Variants in ITGA4 observed in about 807,000 individuals in gnomAD.
ITGA4 encodes integrin subunit alpha 4.
Under a neutral mutation model 133.6 loss-of-function variants are expected in ITGA4, and 63 were observed. The ratio of observed to expected loss-of-function variants is 0.47; its 90% CI spans 0.38 to 0.58. ITGA4 has a LOEUF of 0.58. Among genes scored for constraint, ITGA4 ranks in the 20% least tolerant of loss-of-function variants. The probability of loss-of-function intolerance (pLI) is 0.00; values close to 1 mark genes in which losing one functional copy is unlikely to be tolerated. For synonymous variants in ITGA4, 483 were observed against 438.0 expected (o/e 1.10, Z -1.28); for missense variants, 1,076 against 1,252.7 (o/e 0.86, Z 2.13).
At chr2:181,504,780 T>TA (rs1254020999) in intron 15 of ITGA4, among the ~76,000 whole-genome samples, 1 of 152,038 alleles carries the variant, frequency 6.6e-6, no homozygotes, top group Non-Finnish European at 1.5e-5. Context: ...TGGTGCTATT[T>TA]AAAAAATTCT....
In ITGA4 at chr2:181,537,994, C is replaced by G. The variant is rs548100966; in HGVS notation, c.*2467C>G. ...TGTGAGGGATCTAGAGTGCCATGTT[C>G]CTCAAGAGAATCTAATGCCTGATGA... is the stretch of plus-strand genomic sequence containing the variant. On this transcript the variant is annotated 3_prime_UTR_variant, in exon 28 of 28. Coordinates refer to ENST00000397033, the MANE Select transcript of ITGA4 (RefSeq NM_000885.6). 1.1e-4 allele frequency: 73 copies of G among 677,358 alleles called. No individual in the cohort carries two copies. The African/African-American group carries it at 1.1e-3, about 10-fold the overall frequency. 42.0% of individuals were successfully genotyped at this position (677,358 alleles called of 1,614,324 possible). A position where few individuals can be genotyped will look rare whatever the true frequency, so the allele number is the denominator to read the frequency against.
At chr2:181,504,828 T>C (rs965909104) in intron 15 of ITGA4, among the ~76,000 whole-genome samples, 3 of 151,940 alleles carry the variant, frequency 2.0e-5, no homozygotes, top group Admixed American at 6.6e-5. Context: ...GGTATAATGG[T>C]TAGGGCATTT....
intron 17 of ITGA4, among the ~76,000 whole-genome samples, chr2:181,514,123 G>A (rs768761312): frequency 6.6e-6 from 1 of 152,100 alleles, no homozygotes; most frequent in Non-Finnish European, 1.5e-5. Context: ...ATGAAAATAT[G>A]TTTGACATTA....
intron 2 of ITGA4, 34 bp from the exon 3 acceptor site, chr2:181,474,926 A>C (rs2305592): frequency 6.5e-7 from 1 of 1,531,870 alleles, no homozygotes; most frequent in East Asian, 2.3e-5. Context: ...AATGTTTTCA[A>C]TACAACTGAT....
chr2:181,530,080 C>G (rs1686913695), intron 23 of ITGA4, among the ~76,000 whole-genome samples: 1 of 152,092 alleles, frequency 6.6e-6, no homozygotes, highest in Admixed American at 6.5e-5. Flanking sequence ...ACTGATGGTT[C>G]CATCAGAATT....
In ITGA4 at chr2:181,538,235, TGGA is replaced by T; in HGVS notation, c.*2709_*2711del. The T allele has an allele frequency of 2.5e-6, 4 of 1,582,350 alleles. No homozygotes were observed. The highest frequency in any genetic ancestry group is 1.1e-5 in the South Asian group (1 of 90,356). ...TTCCTCCATAAAGACTGATAAGTCT[TGGA>T]TGCAATCTGTAAAGAAAATACATTA... On this transcript the variant is annotated 3_prime_UTR_variant, in exon 28 of 28. Coordinates refer to ENST00000397033, the MANE Select transcript of ITGA4 (RefSeq NM_000885.6).
intron 17 of ITGA4, 111 bp downstream of exon 17, chr2:181,511,886 G>A (rs1485171893): frequency 1.7e-6 from 1 of 600,524 alleles, no homozygotes; most frequent in African/African-American, 1.9e-5. Context: ...AAAATTAACA[G>A]CGTTTAAAGA....
In ITGA4 at chr2:181,527,943, G is replaced by A. The variant is rs577933788; in HGVS notation, c.2430+556G>A. Among the ~76,000 whole-genome samples, 3 of 152,132 alleles carry A rather than the reference G, an allele frequency of 2.0e-5. No homozygotes were observed. In the South Asian group the frequency reaches 6.2e-4, roughly 32 times the overall value. On this transcript the variant is annotated intron_variant, in intron 22 of 27. Coordinates refer to ENST00000397033, the MANE Select transcript of ITGA4 (RefSeq NM_000885.6). ...AATTCAGAAGTATTAGGAGACTGATGTAAACCTAAGTTTTTAAAAACATTT... is the reference window on the plus strand; with the variant it reads ...AATTCAGAAGTATTAGGAGACTGATATAAACCTAAGTTTTTAAAAACATTT...
chr2:181,486,159 G>A (rs924451346), intron 10 of ITGA4, 167 bp downstream of exon 10: 1 of 752,672 alleles, frequency 1.3e-6, no homozygotes, highest in African/African-American at 1.8e-5. Flanking sequence ...CTCCTCAATT[G>A]TCACCCATTG....
intron 6 of ITGA4, among the ~76,000 whole-genome samples, chr2:181,481,241 A>T (rs1192463058): frequency 6.6e-6 from 1 of 152,194 alleles, no homozygotes; most frequent in Non-Finnish European, 1.5e-5. Flanking sequence ...CTTCAGCAAG[A>T]TGTTTATTTA....
intron 2 of ITGA4, chr2:181,459,452 T>C (rs1183089577): frequency 1.9e-5 from 2 of 103,640 alleles, no homozygotes; most frequent in Non-Finnish European, 4.2e-5. Flanking sequence ...TTGTATTTTA[T>C]AGTAGTCTTT....
chr2:181,495,768 T>C lies in ITGA4; in HGVS notation c.1386-15T>C. The C allele has an allele frequency of 6.2e-7, 1 of 1,602,730 alleles. No individual in the cohort carries two copies. The highest frequency in any genetic ancestry group is 1.1e-5 in the South Asian group (1 of 88,556). Reference sequence around the variant, plus strand: ...AATTCTGCAATTAACATTGCTACTTTTATTTCCTTCTCAGGACAAGACCTG... The same window carrying C: ...AATTCTGCAATTAACATTGCTACTTCTATTTCCTTCTCAGGACAAGACCTG... On this transcript the variant is annotated splice_polypyrimidine_tract_variant and intron_variant, in intron 13 of 27. Coordinates refer to ENST00000397033, the MANE Select transcript of ITGA4 (RefSeq NM_000885.6). This position sits in a 1 kb window ranked among gnomAD's most constrained non-coding sequence, Gnocchi z 4.3.
chr2:181,531,712 T>C lies in ITGA4; in HGVS notation c.2720T>C (p.Met907Thr). The C allele has an allele frequency of 6.2e-7, 1 of 1,607,492 alleles. No homozygotes were observed. Among genetic ancestry groups the C allele is most frequent in the Non-Finnish European group, 8.5e-7 (1 of 1,175,620 alleles). The change falls in exon 25 of 28, where the codon ATG becomes ACG. Residue 907 changes from methionine to threonine, a missense_variant. This residue lies in a region of ITGA4 where 193 missense variants were observed against 172.3 expected (regional missense o/e 1.12). Transcript: ENST00000397033. ...CLNFLCNFGK[M>T]ESGKEASVHI... The stretch of plus-strand genomic sequence containing the variant: ...AATTTCTTGTGTAATTTTGGGAAAA[T>C]GGAAAGTGGAAAAGAAGCCAGTGTT...
rs532819706 is a variant in ITGA4, at chr2:181,499,345, C to A, written c.1695+568C>A. ...TGGTTTGGGGTATGTCCTGCCAAAG[C>A]ACAGCCGATTTCATGTTTCTTTTAT... On this transcript the variant is annotated intron_variant, in intron 15 of 27. Transcript: ENST00000397033. Among the ~76,000 whole-genome samples the A allele has an allele frequency of 1.3e-4, 20 of 152,266 alleles. 1 individual carries two copies. In the East Asian group the frequency reaches 3.9e-3, roughly 29 times the overall value.
intron 21 of ITGA4, 38 bp from the exon 22 acceptor site, chr2:181,527,259 A>G (rs1488825565): frequency 8.4e-7 from 1 of 1,188,824 alleles, no homozygotes; most frequent in Non-Finnish European, 1.3e-6. Flanking sequence ...ACGTCATCGA[A>G]TAAGACAGTT....
At chr2:181,472,431 G>A (rs577664178) in intron 2 of ITGA4, among the ~76,000 whole-genome samples, 7 of 152,058 alleles carry the variant, frequency 4.6e-5, no homozygotes, top group South Asian at 2.1e-4. Context: ...TATTATACAC[G>A]CCATATTATT....
chr2:181,534,052 G>A (rs1383349199), intron 25 of ITGA4, among the ~76,000 whole-genome samples: 2 of 152,050 alleles, frequency 1.3e-5, no homozygotes, highest in East Asian at 1.9e-4. Context: ...TTATTTGCAA[G>A]GTAGCTGTTT....
chr2:181,536,952 C>A lies in ITGA4; in HGVS notation c.*1425C>A. 1 of 453,170 alleles carries A rather than the reference C, an allele frequency of 2.2e-6. No homozygotes were observed. Among genetic ancestry groups the A allele is most frequent in the Non-Finnish European group, 4.4e-6 (1 of 226,466 alleles). 28.1% of individuals were successfully genotyped at this position (453,170 alleles called of 1,614,324 possible). A position where few individuals can be genotyped will look rare whatever the true frequency, so the allele number is the denominator to read the frequency against. On this transcript the variant is annotated 3_prime_UTR_variant, in exon 28 of 28. Coordinates refer to ENST00000397033, the MANE Select transcript of ITGA4 (RefSeq NM_000885.6). ...AAGATTTCTTTATATGAAGTCCCTG[C>A]CACTAGCCAGCCATCCTAATTGATG...
chr2:181,467,390 C>G (rs1348064008), intron 2 of ITGA4, among the ~76,000 whole-genome samples: 4 of 152,144 alleles, frequency 2.6e-5, no homozygotes, highest in Non-Finnish European at 5.9e-5. Context: ...GGGGAAGTGA[C>G]AGTACGATGA....
Sources: allele counts gnomAD v4.1 joint callset (sites outside exome capture counted in the v4.1 genomes callset), GRCh38; gene constraint gnomAD v4.1.1; regional missense constraint gnomAD v4.1.1; non-coding constraint Gnocchi (gnomAD v3.1); transcripts MANE v1.5; gene names NCBI Gene and HGNC (gene_info 2026-07-23, HGNC 2026-07-21).